Variants in PARP8 observed in about 807,000 individuals in gnomAD.
The protein encoded by PARP8 is poly(ADP-ribose) polymerase family member 8, also known as protein mono-ADP-ribosyltransferase PARP8.
A neutral mutation model predicts 124.1 loss-of-function variants in PARP8; 51 were observed. The ratio of observed to expected loss-of-function variants is 0.41; its 90% CI spans 0.33 to 0.52. PARP8 has a LOEUF of 0.52. PARP8 is among the 20% of genes least tolerant of loss of function. The pLI is 0.21. For missense variants in PARP8, 860 were observed against 1,018.9 expected, an observed-to-expected ratio of 0.84 and a Z score of 2.12; for synonymous variants, 391 against 361.5, an observed-to-expected ratio of 1.08 and a Z score of -0.93.
chr5:50,681,370 C>T (rs1018922357), intron 2 of PARP8, among the ~76,000 whole-genome samples: 3 of 151,990 alleles, frequency 2.0e-5, no homozygotes, highest in African/African-American at 7.2e-5. Flanking sequence ...TTCATCCATT[C>T]TGGAAGGTTC....
chr5:50,726,598 G>T (rs1004921562), intron 2 of PARP8, among the ~76,000 whole-genome samples: 2 of 152,154 alleles, frequency 1.3e-5, no homozygotes, highest in African/African-American at 4.8e-5. Context: ...TGAGCACAGC[G>T]ATGATTGAGG....
rs1363884968 is a variant in PARP8 at position 50,845,674 on chromosome 5, C to G, written c.*3606C>G. Reference sequence around the variant, plus strand: ...ACTGGTAACAATGTCAGGGTTAACACCCAATGAATTATTTGAAACAATTTG... The same window carrying G: ...ACTGGTAACAATGTCAGGGTTAACAGCCAATGAATTATTTGAAACAATTTG... On this transcript the variant is annotated 3_prime_UTR_variant, in exon 26 of 26. Coordinates refer to ENST00000281631, the MANE Select transcript of PARP8 (RefSeq NM_024615.4). The G allele has an allele frequency of 1.3e-5, 2 of 151,686 alleles. No homozygotes were observed. Among genetic ancestry groups the G allele is most frequent in the Non-Finnish European group, 3.0e-5 (2 of 67,790 alleles). The allele number at this position is 151,686 out of a possible 1,614,324, so 9.4% of individuals were successfully genotyped here.
chr5:50,825,574 A>C (rs905811178), intron 18 of PARP8, among the ~76,000 whole-genome samples: 3 of 152,196 alleles, frequency 2.0e-5, no homozygotes, highest in Non-Finnish European at 2.9e-5. Flanking sequence ...CCCATTTCAA[A>C]TAATTTGCCC....
chr5:50,822,517 A>G (rs1745879758), intron 17 of PARP8, 117 bp downstream of exon 17: 1 of 747,134 alleles, frequency 1.3e-6, no homozygotes, highest in South Asian at 1.8e-5. Flanking sequence ...GTGCGGTATT[A>G]AGATGTTTTA....
intron 2 of PARP8, among the ~76,000 whole-genome samples, chr5:50,676,447 G>C (rs1380001088): frequency 6.6e-6 from 1 of 152,164 alleles, no homozygotes; most frequent in East Asian, 1.9e-4. Flanking sequence ...TTTATGTTAA[G>C]GGCTCTCAAC....
chr5:50,747,376 T>C (rs1416840385), intron 2 of PARP8, among the ~76,000 whole-genome samples: 3 of 152,132 alleles, frequency 2.0e-5, no homozygotes, highest in Non-Finnish European at 4.4e-5. Context: ...TAGCTCAGTA[T>C]ATGATCTATC....
chr5:50,808,554 T>G (rs1367543289), intron 14 of PARP8, among the ~76,000 whole-genome samples: 1 of 152,014 alleles, frequency 6.6e-6, no homozygotes, highest in Non-Finnish European at 1.5e-5. Flanking sequence ...TCAAGGAATT[T>G]CCTTGTGAGG....
intron 17 of PARP8, 130 bp from the exon 18 acceptor site, chr5:50,824,778 T>C (rs1467313698): frequency 3.0e-6 from 2 of 669,530 alleles, no homozygotes; most frequent in South Asian, 1.9e-5. Flanking sequence ...ATTGTTGTTG[T>C]TCCCATGTTA....
At position 50,761,889 on chromosome 5, in the gene PARP8, C is replaced by T. The variant is rs754194691; in HGVS notation, c.414C>T (p.Tyr138=). 4.7e-5 allele frequency: 75 copies of T among 1,596,648 alleles called. No individual in the cohort carries two copies. The highest frequency in any genetic ancestry group is 6.8e-5 in the Admixed American group (4 of 59,010). Residue 138 remains tyrosine, a synonymous_variant, in exon 6 of 26, where the codon TAC becomes TAT. Coordinates refer to ENST00000281631, the MANE Select transcript of PARP8 (RefSeq NM_024615.4). ...ACAATGATTCCGAAGAATTTTATTA[C>T]GGAGGGCAGGTAAGGAAACCTGGTC... ...EGDNDSEEFY[Y]GGQVNYDGEL...
At chr5:50,819,843 G>T (rs1457787898) in intron 15 of PARP8, among the ~76,000 whole-genome samples, 1 of 152,100 alleles carries the variant, frequency 6.6e-6, no homozygotes, top group Non-Finnish European at 1.5e-5. Context: ...GGGTTAATGT[G>T]CATCTCTAGA....
At position 50,805,108 on chromosome 5, in the gene PARP8, A is replaced by G. The variant is rs559656895; in HGVS notation, c.1575+7875A>G. Among the ~76,000 whole-genome samples, 29 of 152,296 alleles carry G rather than the reference A, an allele frequency of 1.9e-4. 1 individual carries two copies. Among genetic ancestry groups the G allele is most frequent in the African/African-American group, 7.0e-4 (29 of 41,568 alleles). ...TGCCAGTTTCTTTTAAAGATTTTAT[A>G]GAGAGGTGGAAGTTTGGGTTCCTCA... On this transcript the variant is annotated intron_variant, in intron 14 of 25. Transcript: ENST00000281631.
rs1181971395 is a variant in PARP8, at chr5:50,846,062, T to C, written c.*3994T>C. The C allele has an allele frequency of 6.6e-6, 1 of 151,812 alleles. No individual in the cohort carries two copies. Among genetic ancestry groups the C allele is most frequent in the Non-Finnish European group, 1.5e-5 (1 of 67,806 alleles). The allele number at this position is 151,812 out of a possible 1,614,324, so 9.4% of individuals were successfully genotyped here. A position where few individuals can be genotyped will look rare whatever the true frequency, so the allele number is the denominator to read the frequency against. On this transcript the variant is annotated 3_prime_UTR_variant, in exon 26 of 26. Coordinates refer to ENST00000281631, the MANE Select transcript of PARP8 (RefSeq NM_024615.4). ...AAGCTGTGTTGACGAATAGATTACA[T>C]TTCACATTTACCAGCAAGTCAGTAA... is the stretch of plus-strand genomic sequence containing the variant.
chr5:50,679,046 A>C (rs1035782628), intron 2 of PARP8, among the ~76,000 whole-genome samples: 1 of 152,214 alleles, frequency 6.6e-6, no homozygotes, highest in African/African-American at 2.4e-5. Context: ...AACAATTTCT[A>C]ATAAAAAACT....
chr5:50,728,761 C>T (rs1756682459), intron 2 of PARP8, among the ~76,000 whole-genome samples: 1 of 151,986 alleles, frequency 6.6e-6, no homozygotes, highest in Admixed American at 6.6e-5. Context: ...TTGATAACTT[C>T]TCCATCAAAG....
rs144167543 is a variant in PARP8 at position 50,821,236 on chromosome 5, G to A, written c.1692G>A (p.Met564Ile). ...AGGTGGTAGATCTACTAGTATCCATGTGTAGGTCTGCGTTGGAATCTCCTA... is the reference window on the plus strand; with the variant it reads ...AGGTGGTAGATCTACTAGTATCCATATGTAGGTCTGCGTTGGAATCTCCTA... Reference protein sequence around the residue: ...GAQVVDLLVSMCRSALESPRK... With the variant: ...GAQVVDLLVSICRSALESPRK... The change falls in exon 16 of 26, where the codon ATG (methionine) becomes ATA (isoleucine). Residue 564 changes from methionine (M) to isoleucine (I), a missense_variant. Around this residue, in one of 2 missense-constraint regions of PARP8, gnomAD observed 343 missense variants for 474.7 expected, o/e 0.72. Transcript: ENST00000281631. The A allele has an allele frequency of 6.2e-7, 1 of 1,613,864 alleles. No individual in the cohort carries two copies. The highest frequency in any genetic ancestry group is 8.5e-7 in the Non-Finnish European group (1 of 1,179,910).
chr5:50,802,695 A>G (rs1743369409), intron 14 of PARP8, among the ~76,000 whole-genome samples: 1 of 152,204 alleles, frequency 6.6e-6, no homozygotes, highest in Admixed American at 6.5e-5. Context: ...TTGCTGTTAT[A>G]TATAAATATG....
chr5:50,808,678 G>A (rs1383752511), intron 14 of PARP8, among the ~76,000 whole-genome samples: 5 of 152,058 alleles, frequency 3.3e-5, no homozygotes, highest in Non-Finnish European at 5.9e-5. Context: ...CAAAAGGAAA[G>A]CAGTATGGCC....
At chr5:50,799,303 C>T (rs1742924190) in intron 14 of PARP8, among the ~76,000 whole-genome samples, 1 of 152,202 alleles carries the variant, frequency 6.6e-6, no homozygotes. Context: ...GTTGTCTCAG[C>T]ACCATTCTTT....
chr5:50,708,229 C>T (rs1254683326), intron 2 of PARP8, among the ~76,000 whole-genome samples: 1 of 152,036 alleles, frequency 6.6e-6, no homozygotes, highest in African/African-American at 2.4e-5. Context: ...CTCCTCCACC[C>T]TAGAGACCTT....
Sources: allele counts gnomAD v4.1 joint callset (sites outside exome capture counted in the v4.1 genomes callset), GRCh38; gene constraint gnomAD v4.1.1; regional missense constraint gnomAD v4.1.1; transcripts MANE v1.5; gene names NCBI Gene and HGNC (gene_info 2026-07-23, HGNC 2026-07-21).